Variants in CCDC158 observed in about 807,000 individuals in gnomAD.
The protein encoded by CCDC158 is coiled-coil domain containing 158, also known as coiled-coil domain-containing protein 158.
Under a neutral mutation model 138.6 loss-of-function variants are expected in CCDC158, and 116 were observed. The observed-to-expected ratio is 0.84, with a 90% CI of 0.72 to 0.98. The LOEUF (loss-of-function observed/expected upper bound fraction) is 0.98, where lower values mean the gene tolerates loss of function less well. Among genes scored for constraint, CCDC158 ranks in the 50% least tolerant of loss-of-function variants. The pLI is 0.00. For missense variants in CCDC158, 1,265 were observed against 1,306.1 expected, an observed-to-expected ratio of 0.97 and a Z score of 0.48; for synonymous variants, 436 against 442.4, an observed-to-expected ratio of 0.99 and a Z score of 0.18.
chr4:76,318,020 G>T (rs1425879110), intron 24 of CCDC158, among the ~76,000 whole-genome samples: 1 of 152,076 alleles, frequency 6.6e-6, no homozygotes, highest in African/African-American at 2.4e-5. Context: ...GTGCTAAAAG[G>T]AAAGTTAATA....
intron 4 of CCDC158, 106 bp from the exon 5 acceptor site, chr4:76,384,771 A>G (rs976269124): frequency 5.4e-6 from 4 of 741,228 alleles, no homozygotes; most frequent in Non-Finnish European, 9.0e-6. Context: ...TTTTATGTCT[A>G]CTTCCTTCCC....
rs147731534 is a variant in CCDC158, at chr4:76,342,228, C to T, written c.2665-8061G>A. ...ATAATTTTTTTATTTTTTGTAGAGA[C>T]GAGGTCTCACTACTTTGCCCAGGCT... On this transcript the variant is annotated intron_variant, in intron 18 of 24. Transcript: ENST00000682701. Among the ~76,000 whole-genome samples the T allele has an allele frequency of 2.1e-4, 32 of 152,084 alleles. No homozygotes were observed. The East Asian group carries it at 5.0e-3, about 24-fold the overall frequency.
At chr4:76,342,526 AT>A (rs990478781) in intron 18 of CCDC158, among the ~76,000 whole-genome samples, 2 of 152,234 alleles carry the variant, frequency 1.3e-5, no homozygotes, top group African/African-American at 4.8e-5. Context: ...AATCTAAGCT[AT>A]TATTAGAATT....
chr4:76,339,901 C>T (rs992543666), intron 18 of CCDC158, among the ~76,000 whole-genome samples: 1 of 152,192 alleles, frequency 6.6e-6, no homozygotes, highest in Non-Finnish European at 1.5e-5. Context: ...AGAGGAGATA[C>T]ACCCACAGCA....
intron 24 of CCDC158, among the ~76,000 whole-genome samples, chr4:76,313,515 C>G (rs1330838303): frequency 6.6e-6 from 1 of 152,142 alleles, no homozygotes; most frequent in African/African-American, 2.4e-5. Context: ...GTCTAAGACT[C>G]CTGGCCTCAA....
chr4:76,384,396 G>T lies in CCDC158; in HGVS notation c.418C>A (p.Gln140Lys), dbSNP rs775899999. Residue 140 changes from glutamine (Q) to lysine (K), a missense_variant, in exon 6 of 25, where the codon CAG (glutamine) becomes AAG (lysine). Transcript: ENST00000682701. Reference protein sequence around the residue: ...ADIRRRESQSQEDLRNQLQNT... With the variant: ...ADIRRRESQSKEDLRNQLQNT... Reference sequence around the variant, plus strand: ...TGAAGCTGATTTCTTAAATCCTCCTGGGACTGACTCTCCCTTCGTCTATGA... The same window carrying T: ...TGAAGCTGATTTCTTAAATCCTCCTTGGACTGACTCTCCCTTCGTCTATGA... The T allele has an allele frequency of 6.8e-6, 11 of 1,612,202 alleles. No homozygotes were observed. In the Admixed American group the frequency reaches 8.3e-5, roughly 12 times the overall value.
At chr4:76,326,891 CA>C (rs1720579749) in intron 22 of CCDC158, among the ~76,000 whole-genome samples, 1 of 151,924 alleles carries the variant, frequency 6.6e-6, no homozygotes, top group South Asian at 2.1e-4. Flanking sequence ...GCTTTAAAGG[CA>C]TAAGTAAAAT....
chr4:76,326,312 C>T (rs535281705), intron 22 of CCDC158, among the ~76,000 whole-genome samples: 3 of 152,240 alleles, frequency 2.0e-5, no homozygotes, highest in African/African-American at 7.2e-5. Flanking sequence ...AGCATGAATG[C>T]TCCCTAGAGT....
chr4:76,371,297 G>A, intron 10 of CCDC158, 120 bp downstream of exon 10: 1 of 899,496 alleles, frequency 1.1e-6, no homozygotes, highest in Non-Finnish European at 1.7e-6. Flanking sequence ...ATAATCTATT[G>A]CATGTATGCA....
chr4:76,374,858 G>C (rs1381920962), intron 9 of CCDC158, among the ~76,000 whole-genome samples: 1 of 150,220 alleles, frequency 6.7e-6, no homozygotes, highest in Non-Finnish European at 1.5e-5. Flanking sequence ...CTTGACATGA[G>C]ACCAAATTAA....
At chr4:76,398,182 A>G (rs1395185280) in intron 3 of CCDC158, among the ~76,000 whole-genome samples, 1 of 152,248 alleles carries the variant, frequency 6.6e-6, no homozygotes, top group Non-Finnish European at 1.5e-5. Flanking sequence ...AAAATCATCA[A>G]TGTAACAATT....
At chr4:76,322,336 G>A (rs1192626384) in intron 24 of CCDC158, among the ~76,000 whole-genome samples, 1 of 152,084 alleles carries the variant, frequency 6.6e-6, no homozygotes. Context: ...CCAAGTCCCC[G>A]ATCTACTCTT....
At chr4:76,397,326 T>C (rs562979810) in intron 3 of CCDC158, among the ~76,000 whole-genome samples, 1 of 152,266 alleles carries the variant, frequency 6.6e-6, no homozygotes, top group Admixed American at 6.5e-5. Context: ...CAAGACTCTA[T>C]TTAGAGCACA....
At chr4:76,339,916 C>T (rs148656414) in intron 18 of CCDC158, among the ~76,000 whole-genome samples, 15 of 152,216 alleles carry the variant, frequency 9.9e-5, no homozygotes, top group Non-Finnish European at 1.5e-4. Flanking sequence ...ACAGCATACA[C>T]GTCTTCTCTT....
At chr4:76,368,697 A>G (rs1724928567) in intron 11 of CCDC158, among the ~76,000 whole-genome samples, 1 of 152,196 alleles carries the variant, frequency 6.6e-6, no homozygotes, top group African/African-American at 2.4e-5. Context: ...TTGGGGAAAG[A>G]GAGGCAAGTC....
chr4:76,409,788 G>A (rs1450735195), intron 2 of CCDC158, among the ~76,000 whole-genome samples: 1 of 151,904 alleles, frequency 6.6e-6, no homozygotes, highest in Non-Finnish European at 1.5e-5. Context: ...CGGAGATCAC[G>A]CCACTGCACT....
intron 19 of CCDC158, 84 bp downstream of exon 19, chr4:76,333,926 C>A: frequency 1.0e-6 from 1 of 968,714 alleles, no homozygotes; most frequent in African/African-American, 1.6e-5. Flanking sequence ...TAAACCTCAC[C>A]CTCCCAGAGA....
chr4:76,365,716 C>A (rs1197332543), intron 12 of CCDC158, among the ~76,000 whole-genome samples: 1 of 152,184 alleles, frequency 6.6e-6, no homozygotes, highest in Non-Finnish European at 1.5e-5. Context: ...TAACACAGAT[C>A]CTGATGGATG....
chr4:76,373,266 T>C (rs568309248), intron 9 of CCDC158, among the ~76,000 whole-genome samples: 1 of 152,364 alleles, frequency 6.6e-6, no homozygotes, highest in Non-Finnish European at 1.5e-5. Context: ...AATAATAAGA[T>C]ATTAAAACAA....
Sources: allele counts gnomAD v4.1 joint callset (sites outside exome capture counted in the v4.1 genomes callset), GRCh38; gene constraint gnomAD v4.1.1; transcripts MANE v1.5; gene names NCBI Gene and HGNC (gene_info 2026-07-23, HGNC 2026-07-21).